RAG1: variants seen among roughly 807,000 people sequenced by gnomAD.
RAG1 encodes V(D)J recombination-activating protein 1.
A neutral mutation model predicts 62.7 loss-of-function variants in RAG1; 35 were observed. The ratio of observed to expected loss-of-function variants is 0.56; its 90% confidence interval spans 0.43 to 0.74. The LOEUF is 0.74. Among genes scored for constraint, RAG1 ranks in the 30% least tolerant of loss-of-function variants. The pLI is 0.00. For missense variants in RAG1, 1,169 were observed against 1,278.6 expected, an observed-to-expected ratio of 0.91 and a Z score of 1.31; for synonymous variants, 461 against 470.3, an observed-to-expected ratio of 0.98 and a Z score of 0.26.
At chr11:36,550,856 C>T (rs1188582119) in intron 3 of RAG1, among the ~76,000 whole-genome samples, 1 of 152,034 alleles carries the variant, frequency 6.6e-6, no homozygotes, top group Non-Finnish European at 1.5e-5. Flanking sequence ...CATATCAATC[C>T]CACAGAAGTA....
rs933680990 is a variant in RAG1 at position 36,575,261 on chromosome 11, C to T, written c.1957C>T (p.Leu653=). ...VFEEAKPNSE[L]CCKPLCLMLA... is the part of the protein sequence containing the mutation. The stretch of plus-strand genomic sequence containing the variant: ...TGAAGAAGCCAAACCTAACTCTGAA[C>T]TGTGTTGCAAGCCATTGTGCCTTAT... The change falls in exon 2 of 2, where the codon CTG becomes TTG. Residue 653 remains leucine (L), a synonymous_variant. Transcript: ENST00000299440. This position sits in a 1 kb window ranked among gnomAD's most constrained non-coding sequence, Gnocchi z 4.1. 2 of 1,614,214 alleles carry T rather than the reference C, an allele frequency of 1.2e-6. No homozygotes were observed. The highest frequency in any genetic ancestry group is 1.7e-6 in the Non-Finnish European group (2 of 1,180,028).
At chr11:36,529,506 A>G (rs1393768348) in intron 2 of RAG1, among the ~76,000 whole-genome samples, 3 of 152,300 alleles carry the variant, frequency 2.0e-5, no homozygotes, top group Non-Finnish European at 4.4e-5. Context: ...AAATAATAAG[A>G]GCTACTTATG....
chr11:36,544,072 A>G (rs1380622508), intron 3 of RAG1, among the ~76,000 whole-genome samples: 1 of 152,188 alleles, frequency 6.6e-6, no homozygotes, highest in Admixed American at 6.5e-5. Flanking sequence ...CAATTCATGA[A>G]CCAGTAAACT....
chr11:36,572,400 GT>G (rs1405620840), intron 1 of RAG1, among the ~76,000 whole-genome samples: 1 of 152,170 alleles, frequency 6.6e-6, no homozygotes, highest in African/African-American at 2.4e-5. Flanking sequence ...AATTGCCAAT[GT>G]TTTTTACCAG....
chr11:36,568,581 T>C (rs1850692936), intron 1 of RAG1, among the ~76,000 whole-genome samples: 1 of 152,238 alleles, frequency 6.6e-6, no homozygotes, highest in South Asian at 2.1e-4. Context: ...TTTCTCAAAA[T>C]ATTCACTCAT....
intron 1 of RAG1, 147 bp downstream of exon 1, chr11:36,568,269 A>G (rs941304282): frequency 6.6e-6 from 1 of 152,156 alleles, no homozygotes; most frequent in Non-Finnish European, 1.5e-5. Context: ...ATGTATGAAA[A>G]TAAAAAAGGT....
intron 1 of RAG1, among the ~76,000 whole-genome samples, chr11:36,516,511 A>G (rs1859999048): frequency 6.6e-6 from 1 of 152,118 alleles, no homozygotes; most frequent in African/African-American, 2.4e-5. Context: ...TTTAGTAGAG[A>G]CGGAGTTTCA....
rs1860275856 is a variant in RAG1 at position 36,532,864 on chromosome 11, G to A, written n.429-3095G>A. ...ACTTTTATTACAGTACATTGTTATA[G>A]TTCTATTTTATTATTAGTTTATTGT... On this transcript the variant is annotated intron_variant and non_coding_transcript_variant, in intron 2 of 2. Coordinates refer to the RAG1 transcript ENST00000529126. Among the ~76,000 whole-genome samples, 3 of 152,106 alleles carry A rather than the reference G, an allele frequency of 2.0e-5. No individual in the cohort carries two copies. In the South Asian group the frequency reaches 6.2e-4, roughly 32 times the overall value.
At chr11:36,522,518 G>A (rs1860096364) in intron 2 of RAG1, among the ~76,000 whole-genome samples, 1 of 152,226 alleles carries the variant, frequency 6.6e-6, no homozygotes, top group Non-Finnish European at 1.5e-5. Flanking sequence ...TGCAGGGGTG[G>A]GGCCCTCATG....
At chr11:36,558,397 G>T (rs1176842481) in intron 3 of RAG1, among the ~76,000 whole-genome samples, 2 of 152,148 alleles carry the variant, frequency 1.3e-5, no homozygotes, top group East Asian at 3.9e-4. Flanking sequence ...TACTGTATTG[G>T]AGTCTGTCTC....
intron 1 of RAG1, among the ~76,000 whole-genome samples, chr11:36,513,048 G>A (rs1199623888): frequency 1.3e-5 from 2 of 152,186 alleles, no homozygotes; most frequent in Non-Finnish European, 2.9e-5. Context: ...ATTATCATGC[G>A]AGTGAATTCG....
At chr11:36,514,077 C>T (rs1447221831) in intron 1 of RAG1, among the ~76,000 whole-genome samples, 2 of 152,162 alleles carry the variant, frequency 1.3e-5, no homozygotes, top group East Asian at 1.9e-4. Flanking sequence ...CCTGAGGACA[C>T]CCAAGTAGCC....
downstream of RAG1, among the ~76,000 whole-genome samples, chr11:36,537,707 TA>T (rs1443228004): frequency 1.3e-5 from 2 of 152,362 alleles, no homozygotes; most frequent in East Asian, 3.9e-4. Flanking sequence ...CCTAAAAAGC[TA>T]AAGCTTTGTT....
chr11:36,510,531 T>C (rs1331281158), upstream of RAG1: 1 of 152,306 alleles, frequency 6.6e-6, no homozygotes, highest in African/African-American at 2.4e-5. Flanking sequence ...CGGAATAACT[T>C]AATTTGGTGA....
chr11:36,559,073 T>C (rs988461334), intron 3 of RAG1, among the ~76,000 whole-genome samples: 6 of 152,214 alleles, frequency 3.9e-5, no homozygotes, highest in Admixed American at 2.6e-4. Context: ...GGAAAGACTT[T>C]GTTTCTCCTT....
intron 1 of RAG1, among the ~76,000 whole-genome samples, chr11:36,569,547 G>T (rs1183481193): frequency 6.6e-6 from 1 of 152,182 alleles, no homozygotes; most frequent in Non-Finnish European, 1.5e-5. Flanking sequence ...AAGGGTGGTG[G>T]TCATATTTGA....
intron 2 of RAG1, among the ~76,000 whole-genome samples, chr11:36,520,460 A>G (rs1860061295): frequency 6.6e-6 from 1 of 151,848 alleles, no homozygotes; most frequent in African/African-American, 2.4e-5. Context: ...GTATTTTTGG[A>G]AGAGACGGGG....
rs755218366 is a variant in RAG1, at chr11:36,522,481, C to T, written n.428+2252C>T. On this transcript the variant is annotated intron_variant and non_coding_transcript_variant, in intron 2 of 2. Coordinates refer to the RAG1 transcript ENST00000529126. Reference sequence around the variant, plus strand: ...TAGATTTCAGAAAGATGTATGGAAACGCCTGGATGCCCAGGCAGAAGTTTG... The same window carrying T: ...TAGATTTCAGAAAGATGTATGGAAATGCCTGGATGCCCAGGCAGAAGTTTG... Among the ~76,000 whole-genome samples the T allele has an allele frequency of 5.3e-5, 8 of 152,362 alleles. 1 individual carries two copies. The South Asian group carries it at 6.2e-4, about 12-fold the overall frequency.
At chr11:36,518,499 C>T (rs1564974251) in intron 1 of RAG1, among the ~76,000 whole-genome samples, 1 of 152,172 alleles carries the variant, frequency 6.6e-6, no homozygotes, top group Non-Finnish European at 1.5e-5. Flanking sequence ...CTCTCCAGCA[C>T]TTGTTGTTTC....
Sources: allele counts gnomAD v4.1 joint callset (sites outside exome capture counted in the v4.1 genomes callset), GRCh38; gene constraint gnomAD v4.1.1; non-coding constraint Gnocchi (gnomAD v3.1); transcripts MANE v1.5; gene names NCBI Gene and HGNC (gene_info 2026-07-23, HGNC 2026-07-21).